The following SCRIB variants were observed in gnomAD, a reference collection of about 807,000 sequenced individuals.
SCRIB encodes the protein protein scribble homolog.
A neutral mutation model predicts 170.0 loss-of-function variants in SCRIB; 72 were observed. That is an observed-to-expected ratio of 0.42 (90% CI 0.35 to 0.52). The LOEUF (loss-of-function observed/expected upper bound fraction) is 0.52. SCRIB is among the 20% of genes least tolerant of loss of function. The pLI, the probability that SCRIB is intolerant of heterozygous loss-of-function variation, is 0.02. For synonymous variants in SCRIB, 1,298 were observed against 1,044.3 expected, an observed-to-expected ratio of 1.24 and a Z score of -4.68; for missense variants, 2,475 against 2,338.5, an observed-to-expected ratio of 1.06 and a Z score of -1.20.
chr8:143,804,695 T>A lies in SCRIB; in HGVS notation c.2882A>T (p.His961Leu). ...GGPLPPSPLP[H>L]SSPPTAAVAT... ...AACAGCAGCGGTGGGGGGTGAGGAA[T>A]GTGGCAGAGGGCTGGGAGGAAGAGG... The change falls in exon 21 of 37, where the codon CAT becomes CTT. Residue 961 changes from histidine to leucine, a missense_variant. His to Leu is a moderately conservative substitution (Grantham distance 99). Around this residue, in one of 3 missense-constraint regions of SCRIB, gnomAD observed 1,966 missense variants for 1,742.9 expected, o/e 1.13. Coordinates refer to ENST00000356994, the MANE Select transcript of SCRIB (RefSeq NM_182706.5). 1.3e-6 allele frequency: 2 copies of A among 1,570,280 alleles called. No homozygotes were observed. The highest frequency in any genetic ancestry group is 1.7e-6 in the Non-Finnish European group (2 of 1,155,644).
Position 143,792,867 on chromosome 8 carries a change from G to T in SCRIB, c.4018C>A (p.Pro1340Thr). 6.6e-7 allele frequency: 1 copy of T among 1,513,284 alleles called. No homozygotes were observed. The highest frequency in any genetic ancestry group is 8.8e-7 in the Non-Finnish European group (1 of 1,135,710). 93.7% of individuals were successfully genotyped at this position (1,513,284 alleles called of 1,614,324 possible). ...GAGGCTGCAGGCCCAGGCGTGGGGG[G>T]CTGGGGGGAGCGGACCTTGAGGTTT... is the stretch of plus-strand genomic sequence containing the variant. ...SHPPEDAPAQPPTPGPAASPE... is the reference protein window; with the variant it reads ...SHPPEDAPAQTPTPGPAASPE... The change falls in exon 30 of 37, where the codon CCC becomes ACC. Residue 1340 changes from proline (P) to threonine (T), a missense_variant and splice_region_variant. Physicochemically the swap from Pro to Thr is conservative, Grantham distance 38. Around this residue, in one of 3 missense-constraint regions of SCRIB, gnomAD observed 1,966 missense variants for 1,742.9 expected, o/e 1.13. Coordinates refer to ENST00000356994, the MANE Select transcript of SCRIB (RefSeq NM_182706.5).
rs769243830 is a variant in SCRIB, at chr8:143,810,676, A to G, written c.1404+10T>C. The G allele has an allele frequency of 1.2e-6, 2 of 1,600,498 alleles. No individual in the cohort carries two copies. Among genetic ancestry groups the G allele is most frequent in the African/African-American group, 1.3e-5 (1 of 74,620 alleles). ...GCAGAGGTTCGCCCCCCAGATCCTCACCCTCATACCCGCTTCTCAGCTGCA... is the reference window on the plus strand; with the variant it reads ...GCAGAGGTTCGCCCCCCAGATCCTCGCCCTCATACCCGCTTCTCAGCTGCA... On this transcript the variant is annotated intron_variant, in intron 12 of 36. Transcript: ENST00000356994.
chr8:143,814,972 G>A, intron 1 of SCRIB: 1 of 504,020 alleles, frequency 2.0e-6, no homozygotes, highest in Non-Finnish European at 3.5e-6. Flanking sequence ...TTCACTCTGA[G>A]GCTCCGCCTC....
In SCRIB at chr8:143,792,747, C is replaced by G; in HGVS notation, c.4138G>C (p.Val1380Leu). ...ATCTTCCGCAGGTCGTCAGCACCCA[C>G]CAGGGACACGCGCTTAGGGGGGCCC... Reference protein sequence around the residue: ...AEGPPKRVSLVGADDLRKMQE... With the variant: ...AEGPPKRVSLLGADDLRKMQE... The change falls in exon 30 of 37, where the codon GTG (valine) becomes CTG (leucine). Residue 1380 changes from valine to leucine, a missense_variant. This residue lies in a region of SCRIB where 1,966 missense variants were observed against 1,742.9 expected (regional missense o/e 1.13). Transcript: ENST00000356994. 6.3e-7 allele frequency: 1 copy of G among 1,592,354 alleles called. No individual in the cohort carries two copies. The highest frequency in any genetic ancestry group is 8.5e-7 in the Non-Finnish European group (1 of 1,173,274).
At chr8:143,806,361 C>A (rs782514115) in intron 18 of SCRIB, 46 bp downstream of exon 18, 1 of 1,470,608 alleles carries the variant, frequency 6.8e-7, no homozygotes, top group South Asian at 1.2e-5. Context: ...CCATGTACCT[C>A]CAGAGGGCAC....
At position 143,791,739 on chromosome 8, in the gene SCRIB, G is replaced by A. The variant is rs887620899; in HGVS notation, c.4697C>T (p.Pro1566Leu). The A allele has an allele frequency of 1.3e-6, 2 of 1,598,402 alleles. No homozygotes were observed. Among genetic ancestry groups the A allele is most frequent in the Admixed American group, 1.7e-5 (1 of 59,630 alleles). Residue 1566 changes from proline (P) to leucine (L), a missense_variant and splice_region_variant, in exon 35 of 37, where the codon CCC (proline) becomes CTC (leucine). Coordinates refer to ENST00000356994, the MANE Select transcript of SCRIB (RefSeq NM_182706.5). ...GTAGTCAAACTTCTTTCCAGACAAG[G>A]GCTTGAAAGGACAGCGTGAGGGGAG... ...PQTSTSPGRL[P>L]LSGKKFDYRA... is the part of the protein sequence containing the mutation.
Position 143,812,856 on chromosome 8 carries a change from G to C in SCRIB, c.748C>G (p.Leu250Val). ...GGLVLLTDLLLSQNLLRRLPD... is the reference protein window; with the variant it reads ...GGLVLLTDLLVSQNLLRRLPD... The stretch of plus-strand genomic sequence containing the variant: ...AGCCTCCGCAGCAGGTTCTGGGACA[G>C]CAGCAGGTCAGTGAGCAGCACCAGC... The change falls in exon 8 of 37, where the codon CTG (leucine) becomes GTG (valine). Residue 250 changes from leucine (L) to valine (V), a missense_variant. Transcript: ENST00000356994. 6.2e-7 allele frequency: 1 copy of C among 1,605,996 alleles called. No homozygotes were observed. The highest frequency in any genetic ancestry group is 8.5e-7 in the Non-Finnish European group (1 of 1,179,804).
Position 143,810,497 on chromosome 8 carries a change from C to T in SCRIB, c.1512G>A (p.Ser504=), listed in dbSNP as rs144626855. 3.7e-3 allele frequency: 6,003 copies of T among 1,610,122 alleles called. 287 individuals carry two copies. The Admixed American group carries it at 0.088, about 24-fold the overall frequency. The change falls in exon 13 of 37, where the codon TCG becomes TCA. Residue 504 remains serine, a synonymous_variant. Transcript: ENST00000356994. ...TGCCCACCTCCTCTGCAGGCAAGGG[C>T]GACCCAGAGTCTGGCTGGCAAGGGC... ...EACPCQPDSG[S]PLPAEEEKRL...
chr8:143,802,283 C>T (rs1554635116), intron 24 of SCRIB, among the ~76,000 whole-genome samples: 3 of 152,256 alleles, frequency 2.0e-5, no homozygotes, highest in African/African-American at 4.8e-5. Context: ...ACCCACTTCC[C>T]GCCAAGGGGC....
At chr8:143,804,181 A>G in intron 21 of SCRIB, 25 bp from the exon 22 acceptor site, 1 of 1,545,894 alleles carries the variant, frequency 6.5e-7, no homozygotes. Flanking sequence ...CGGGACAAGG[A>G]CAGGCCTCGG....
chr8:143,812,033 A>C (rs894945426), intron 9 of SCRIB, among the ~76,000 whole-genome samples: 3 of 152,166 alleles, frequency 2.0e-5, no homozygotes, highest in African/African-American at 7.2e-5. Flanking sequence ...TACAGCGATA[A>C]ACACGAGACC....
Position 143,815,518 on chromosome 8 carries a change from C to A in SCRIB, c.-146G>T. 2.0e-6 allele frequency: 2 copies of A among 983,906 alleles called. No homozygotes were observed. The highest frequency in any genetic ancestry group is 1.8e-5 in the African/African-American group (1 of 56,578). 60.9% of individuals were successfully genotyped at this position (983,906 alleles called of 1,614,324 possible). A position where few individuals can be genotyped will look rare whatever the true frequency, so the allele number is the denominator to read the frequency against. ...CCGAGACTGGACGGGGACGCGGCCG[C>A]GGCCGGCGCTGGGCCCGGCCCGCGC... On this transcript the variant is annotated 5_prime_UTR_variant, in exon 1 of 37. Transcript: ENST00000356994.
Position 143,812,812 on chromosome 8 carries a change from C to T in SCRIB, c.787+5G>A. 1 of 1,597,632 alleles carries T rather than the reference C, an allele frequency of 6.3e-7. No homozygotes were observed. The highest frequency in any genetic ancestry group is 8.5e-7 in the Non-Finnish European group (1 of 1,177,948). On this transcript the variant is annotated splice_donor_5th_base_variant and intron_variant, in intron 8 of 36. Transcript: ENST00000356994. ...CCCCACCCAGGCACCCCCAGGCACA[C>T]TAACCGATGCCGTCGGGCAGCCTCC...
At chr8:143,802,031 T>G (rs1815195361) in intron 24 of SCRIB, among the ~76,000 whole-genome samples, 1 of 152,232 alleles carries the variant, frequency 6.6e-6, no homozygotes, top group Non-Finnish European at 1.5e-5. Flanking sequence ...TCGCTCCCTC[T>G]CTAATAAAAA....
intron 19 of SCRIB, 41 bp from the exon 20 acceptor site, chr8:143,805,055 T>C (rs1815356968): frequency 6.3e-7 from 1 of 1,582,766 alleles, no homozygotes; most frequent in Middle Eastern, 1.7e-4. Context: ...CCGGTGAGGC[T>C]GGAGTGCGGC....
At position 143,792,485 on chromosome 8, in the gene SCRIB, C is replaced by A. The variant is rs868947919; in HGVS notation, c.4328G>T (p.Arg1443Met). 6.5e-7 allele frequency: 1 copy of A among 1,540,842 alleles called. No individual in the cohort carries two copies. The highest frequency in any genetic ancestry group is 2.3e-5 in the East Asian group (1 of 42,654). ...GGGCGTCTGGTGGGCGGGTGCTCAC[C>A]TTGAGGTGGGGCTCGGGCTGGCCCA... Reference protein sequence around the residue: ...PPWASPSPTSRQSPASPPPLG... With the variant: ...PPWASPSPTSMQSPASPPPLG... The change falls in exon 31 of 37, where the codon AGG (arginine) becomes ATG (methionine). Residue 1443 changes from arginine to methionine, a missense_variant and splice_region_variant. By Grantham distance (91) the Arg-to-Met change is moderately conservative (BLOSUM62 -1). This residue lies in a region of SCRIB where 1,966 missense variants were observed against 1,742.9 expected (regional missense o/e 1.13). Transcript: ENST00000356994.
chr8:143,797,838 C>G (rs1815008412), intron 24 of SCRIB, among the ~76,000 whole-genome samples: 1 of 152,270 alleles, frequency 6.6e-6, no homozygotes. Flanking sequence ...GGGCCGCGCC[C>G]TTCCACGACG....
At chr8:143,799,553 G>A (rs913119719) in intron 24 of SCRIB, among the ~76,000 whole-genome samples, 1 of 152,222 alleles carries the variant, frequency 6.6e-6, no homozygotes, top group African/African-American at 2.4e-5. Context: ...CTCTCAGACA[G>A]CGCACACCCA....
intron 28 of SCRIB, chr8:143,793,433 C>CA (rs1280690318): frequency 3.0e-5 from 9 of 301,174 alleles, no homozygotes; most frequent in Admixed American, 9.6e-5. Flanking sequence ...GTGGGAGAGA[C>CA]AGAGAGAGAG....
Sources: allele counts gnomAD v4.1 joint callset (sites outside exome capture counted in the v4.1 genomes callset), GRCh38; gene constraint gnomAD v4.1.1; regional missense constraint gnomAD v4.1.1; transcripts MANE v1.5; gene names NCBI Gene and HGNC (gene_info 2026-07-23, HGNC 2026-07-21).